The following FGFBP3 variants were observed in gnomAD, a reference collection of about 807,000 sequenced individuals.
FGFBP3 encodes the protein fibroblast growth factor-binding protein 3.
A neutral mutation model predicts 4.8 loss-of-function variants in FGFBP3; 4 were observed. That is an observed-to-expected ratio of 0.83 (90% CI 0.41 to 1.90). The LOEUF (loss-of-function observed/expected upper bound fraction) is 1.90, where lower values mean the gene tolerates loss of function less well. Among genes scored for constraint, FGFBP3 ranks in the 40% most tolerant of loss-of-function variants. FGFBP3 has a pLI of 0.03. For missense variants in FGFBP3, 429 were observed against 397.4 expected, an observed-to-expected ratio of 1.08 and a Z score of -0.68; for synonymous variants, 215 against 190.0, an observed-to-expected ratio of 1.13 and a Z score of -1.08.
At position 91,908,259 on chromosome 10, in the gene FGFBP3, C is replaced by T; in HGVS notation, c.711G>A (p.Thr237=). The change falls in exon 2 of 2, where the codon ACG becomes ACA. Residue 237 remains threonine (T), a synonymous_variant. Transcript: ENST00000311575. ...GCCACTTCTCAGCGCAGTAGGTCTC[C>T]GTGAGCTCCGCGTTCCCGTCCAGCC... ...PDGLDGNAEL[T]ETYCAEKWHS... 1 of 1,605,936 alleles carries T rather than the reference C, an allele frequency of 6.2e-7. No individual in the cohort carries two copies. Among genetic ancestry groups the T allele is most frequent in the Non-Finnish European group, 8.5e-7 (1 of 1,176,252 alleles).
Position 91,908,067 on chromosome 10 carries a change from C to T in FGFBP3, c.*126G>A. On this transcript the variant is annotated 3_prime_UTR_variant, in exon 2 of 2. Transcript: ENST00000311575. The stretch of plus-strand genomic sequence containing the variant: ...CAAGCATCTCACCCTTACCCTTGCC[C>T]CCACCCCCATTCGAGAACCTGGACT... The T allele has an allele frequency of 9.0e-7, 1 of 1,107,028 alleles. No homozygotes were observed. The highest frequency in any genetic ancestry group is 1.6e-5 in the South Asian group (1 of 62,182). The allele number at this position is 1,107,028 out of a possible 1,614,324, so 68.6% of individuals were successfully genotyped here.
Position 91,908,050 on chromosome 10 carries a change from T to C in FGFBP3, c.*143A>G. 1.1e-6 allele frequency: 1 copy of C among 912,794 alleles called. No homozygotes were observed. 56.5% of individuals were successfully genotyped at this position (912,794 alleles called of 1,614,324 possible). A position where few individuals can be genotyped will look rare whatever the true frequency, so the allele number is the denominator to read the frequency against. On this transcript the variant is annotated 3_prime_UTR_variant, in exon 2 of 2. Coordinates refer to ENST00000311575, the MANE Select transcript of FGFBP3 (RefSeq NM_152429.5). ...CCCTTACACTCTCATCCCAAGCATC[T>C]CACCCTTACCCTTGCCCCCACCCCC... is the stretch of plus-strand genomic sequence containing the variant.
chr10:91,908,746 T>TG lies in FGFBP3; in HGVS notation c.223_224insC (p.Glu75AlafsTer169). On this transcript the variant is annotated frameshift_variant, in exon 2 of 2. Transcript: ENST00000311575. LOFTEE classifies it low-confidence loss of function (END_TRUNC). ...CGGGCTCTGGCAGCGCAGCGCCAGC[T>TG]CGCTGCCCGCTGCGGCCTCCGGGGC... 7.2e-7 allele frequency: 1 copy of TG among 1,384,584 alleles called. No homozygotes were observed. Among genetic ancestry groups the TG allele is most frequent in the Non-Finnish European group, 9.3e-7 (1 of 1,080,904 alleles). 85.8% of individuals were successfully genotyped at this position (1,384,584 alleles called of 1,614,324 possible).
chr10:91,908,315 G>A lies in FGFBP3; in HGVS notation c.655C>T (p.Arg219Ter), dbSNP rs770235150. The change falls in exon 2 of 2, where the codon CGA becomes TGA. Residue 219 changes from arginine to a stop codon, truncating the protein, a stop_gained. Coordinates refer to ENST00000311575, the MANE Select transcript of FGFBP3 (RefSeq NM_152429.5). LOFTEE classifies it high-confidence loss of function. The stretch of plus-strand genomic sequence containing the variant: ...GGGTCGGGCCCGGTCCCCATGGGTC[G>A]CTCCTCGTTGGGGACCAAGGCCGCC... ...RKAALVPNEE[R>*]PMGTGPDPDG... The A allele has an allele frequency of 1.3e-6, 2 of 1,598,902 alleles. No homozygotes were observed. Among genetic ancestry groups the A allele is most frequent in the Non-Finnish European group, 8.5e-7 (1 of 1,173,156 alleles).
intron 1 of FGFBP3, 52 bp from the exon 2 acceptor site, chr10:91,909,099 C>T: frequency 9.5e-7 from 1 of 1,057,800 alleles, no homozygotes; most frequent in South Asian, 1.7e-5. Flanking sequence ...CAGCGCTTCG[C>T]CCAGACACAT....
chr10:91,908,809 G>A lies in FGFBP3; in HGVS notation c.161C>T (p.Pro54Leu). The change falls in exon 2 of 2, where the codon CCC (proline) becomes CTC (leucine). Residue 54 changes from proline to leucine, a missense_variant. By Grantham distance (98) the Pro-to-Leu change is moderately conservative. Transcript: ENST00000311575. ...CTGCCAGCTGCACGCGTGCTGCTCG[G>A]GGCTGAGGAAGCGACCCGAGGAGCC... ...TGGSSGRFLS[P>L]EQHACSWQLL... 1.3e-6 allele frequency: 2 copies of A among 1,520,658 alleles called. No homozygotes were observed. Among genetic ancestry groups the A allele is most frequent in the African/African-American group, 1.4e-5 (1 of 71,544 alleles). 94.2% of individuals were successfully genotyped at this position (1,520,658 alleles called of 1,614,324 possible). A position where few individuals can be genotyped will look rare whatever the true frequency, so the allele number is the denominator to read the frequency against.
chr10:91,908,872 G>T lies in FGFBP3; in HGVS notation c.98C>A (p.Ala33Asp). 1 of 1,578,674 alleles carries T rather than the reference G, an allele frequency of 6.3e-7. No individual in the cohort carries two copies. The highest frequency in any genetic ancestry group is 8.6e-7 in the Non-Finnish European group (1 of 1,168,402). Residue 33 changes from alanine (A) to aspartate (D), a missense_variant, in exon 2 of 2, where the codon GCT (alanine) becomes GAT (aspartate). Ala to Asp is a moderately radical substitution (Grantham distance 126). Coordinates refer to ENST00000311575, the MANE Select transcript of FGFBP3 (RefSeq NM_152429.5). ...LAAARREKGA[A>D]SNVAEPVPGP... Reference sequence around the variant, plus strand: ...GGGGACCGGCTCCGCCACGTTGCTAGCCGCCCCTTTCTCCCTCCGAGCAGC... The same window carrying T: ...GGGGACCGGCTCCGCCACGTTGCTATCCGCCCCTTTCTCCCTCCGAGCAGC...
rs528003427 is a variant in FGFBP3, at chr10:91,906,655, C to A, written c.*1538G>T. The A allele has an allele frequency of 6.6e-6, 1 of 152,106 alleles. No homozygotes were observed. Among genetic ancestry groups the A allele is most frequent in the Non-Finnish European group, 1.5e-5 (1 of 68,042 alleles). 9.4% of individuals were successfully genotyped at this position (152,106 alleles called of 1,614,324 possible). ...ATAGTTGCCCCTCCACATCCGTGGG[C>A]TCTGCATCCACAGATTCAACAATGG... On this transcript the variant is annotated 3_prime_UTR_variant, in exon 2 of 2. Coordinates refer to ENST00000311575, the MANE Select transcript of FGFBP3 (RefSeq NM_152429.5).
Position 91,908,549 on chromosome 10 carries a change from G to C in FGFBP3, c.421C>G (p.His141Asp). 1.4e-6 allele frequency: 2 copies of C among 1,386,688 alleles called. No individual in the cohort carries two copies. The highest frequency in any genetic ancestry group is 1.9e-6 in the Non-Finnish European group (2 of 1,078,114). 85.9% of individuals were successfully genotyped at this position (1,386,688 alleles called of 1,614,324 possible). A position where few individuals can be genotyped will look rare whatever the true frequency, so the allele number is the denominator to read the frequency against. The part of the protein sequence containing the change: ...QARLCAGKKG[H>D]GAELRLVPRA... ...GGCACTAGCCGCAGCTCGGCGCCGTGGCCCTTCTTGCCCGCGCACAAGCGG... is the reference window on the plus strand; with the variant it reads ...GGCACTAGCCGCAGCTCGGCGCCGTCGCCCTTCTTGCCCGCGCACAAGCGG... Residue 141 changes from histidine (H) to aspartate (D), a missense_variant, in exon 2 of 2, where the codon CAC becomes GAC. His to Asp is a moderately conservative substitution (Grantham distance 81, BLOSUM62 -1). Transcript: ENST00000311575.
Position 91,907,308 on chromosome 10 carries a change from C to T in FGFBP3, c.*885G>A, listed in dbSNP as rs1206874972. On this transcript the variant is annotated 3_prime_UTR_variant, in exon 2 of 2. Transcript: ENST00000311575. ...GCAGTGAGCCATAATTGCACCACTGCTCCAGTCTGGATGACACAAGACCCT... is the reference window on the plus strand; with the variant it reads ...GCAGTGAGCCATAATTGCACCACTGTTCCAGTCTGGATGACACAAGACCCT... 6.6e-6 allele frequency: 1 copy of T among 152,220 alleles called. No individual in the cohort carries two copies. Among genetic ancestry groups the T allele is most frequent in the African/African-American group, 2.4e-5 (1 of 41,436 alleles). 9.4% of individuals were successfully genotyped at this position (152,220 alleles called of 1,614,324 possible).
Position 91,907,851 on chromosome 10 carries a change from C to A in FGFBP3, c.*342G>T. 1 of 244,516 alleles carries A rather than the reference C, an allele frequency of 4.1e-6. No homozygotes were observed. The highest frequency in any genetic ancestry group is 7.7e-6 in the Non-Finnish European group (1 of 129,094). The allele number at this position is 244,516 out of a possible 1,614,324, so 15.1% of individuals were successfully genotyped here. A position where few individuals can be genotyped will look rare whatever the true frequency, so the allele number is the denominator to read the frequency against. ...CATGGGACTCACATCACTTTAGTCA[C>A]TCTATCTCCCCCTTATTCTCAGCCT... On this transcript the variant is annotated 3_prime_UTR_variant, in exon 2 of 2. Coordinates refer to ENST00000311575, the MANE Select transcript of FGFBP3 (RefSeq NM_152429.5).
chr10:91,909,090 A>C (rs550530510), intron 1 of FGFBP3, 43 bp from the exon 2 acceptor site: 22 of 1,173,310 alleles, frequency 1.9e-5, no homozygotes, highest in African/African-American at 4.9e-5. Flanking sequence ...AGCCACACGC[A>C]GCGCTTCGCC....
Position 91,907,908 on chromosome 10 carries a change from A to C in FGFBP3, c.*285T>G. ...GCATCGATTTCTCTCCCCAGTCTCC[A>C]GTTTTTGCACATTTAAAGTACGCCT... On this transcript the variant is annotated 3_prime_UTR_variant, in exon 2 of 2. Transcript: ENST00000311575. 5.4e-6 allele frequency: 2 copies of C among 369,068 alleles called. No individual in the cohort carries two copies. Among genetic ancestry groups the C allele is most frequent in the Non-Finnish European group, 9.6e-6 (2 of 207,306 alleles). The allele number at this position is 369,068 out of a possible 1,614,324, so 22.9% of individuals were successfully genotyped here. A position where few individuals can be genotyped will look rare whatever the true frequency, so the allele number is the denominator to read the frequency against.
Position 91,908,863 on chromosome 10 carries a change from A to G in FGFBP3, c.107T>C (p.Val36Ala). ...ARREKGAASNVAEPVPGPTGG... is the reference protein window; with the variant it reads ...ARREKGAASNAAEPVPGPTGG... ...AGTGGGCCCGGGGACCGGCTCCGCC[A>G]CGTTGCTAGCCGCCCCTTTCTCCCT... The change falls in exon 2 of 2, where the codon GTG becomes GCG. Residue 36 changes from valine (V) to alanine (A), a missense_variant. Transcript: ENST00000311575. 1.3e-6 allele frequency: 2 copies of G among 1,567,602 alleles called. No individual in the cohort carries two copies. Among genetic ancestry groups the G allele is most frequent in the South Asian group, 1.2e-5 (1 of 85,886 alleles).
chr10:91,907,850 A>C lies in FGFBP3; in HGVS notation c.*343T>G. 41 of 222,378 alleles carry C rather than the reference A, an allele frequency of 1.8e-4. No individual in the cohort carries two copies. The highest frequency in any genetic ancestry group is 4.8e-4 in the East Asian group (4 of 8,282). The allele number at this position is 222,378 out of a possible 1,614,324, so 13.8% of individuals were successfully genotyped here. A position where few individuals can be genotyped will look rare whatever the true frequency, so the allele number is the denominator to read the frequency against. ...ACATGGGACTCACATCACTTTAGTC[A>C]CTCTATCTCCCCCTTATTCTCAGCC... is the stretch of plus-strand genomic sequence containing the variant. On this transcript the variant is annotated 3_prime_UTR_variant, in exon 2 of 2. Transcript: ENST00000311575.
chr10:91,908,946 C>T lies in FGFBP3; in HGVS notation c.24G>A (p.Ala8=), dbSNP rs1211282436. The change falls in exon 2 of 2, where the codon GCG becomes GCA. Residue 8 remains alanine (A), a synonymous_variant. Transcript: ENST00000311575. MTPPKLR[A]SLSPSLLLLL... is the part of the protein sequence containing the mutation. ...GCAGCAGCAGCGACGGCGACAGCGA[C>T]GCTCGCAGCTTCGGAGGAGTCATGC... 6.2e-7 allele frequency: 1 copy of T among 1,601,718 alleles called. No homozygotes were observed.
chr10:91,909,106 A>C (rs1414165071), intron 1 of FGFBP3, 59 bp from the exon 2 acceptor site: 67 of 953,852 alleles, frequency 7.0e-5, no homozygotes, highest in Non-Finnish European at 9.7e-5. Flanking sequence ...TCGCCCAGAC[A>C]CATGCACCTG....
Position 91,908,934 on chromosome 10 carries a change from C to A in FGFBP3, c.36G>T (p.Pro12=), listed in dbSNP as rs1339474063. 1 of 1,605,306 alleles carries A rather than the reference C, an allele frequency of 6.2e-7. No homozygotes were observed. The highest frequency in any genetic ancestry group is 1.1e-5 in the South Asian group (1 of 89,808). The change falls in exon 2 of 2, where the codon CCG becomes CCT. Residue 12 remains proline, a synonymous_variant. Coordinates refer to ENST00000311575, the MANE Select transcript of FGFBP3 (RefSeq NM_152429.5). ...AACCACTCAGCAGCAGCAGCAGCGA[C>A]GGCGACAGCGACGCTCGCAGCTTCG... ...TPPKLRASLS[P]SLLLLLSGCL...
Position 91,907,731 on chromosome 10 carries a change from G to A in FGFBP3, c.*462C>T, listed in dbSNP as rs1843310182. 1 of 158,512 alleles carries A rather than the reference G, an allele frequency of 6.3e-6. No individual in the cohort carries two copies. The highest frequency in any genetic ancestry group is 2.4e-5 in the African/African-American group (1 of 41,496). 9.8% of individuals were successfully genotyped at this position (158,512 alleles called of 1,614,324 possible). On this transcript the variant is annotated 3_prime_UTR_variant, in exon 2 of 2. Coordinates refer to ENST00000311575, the MANE Select transcript of FGFBP3 (RefSeq NM_152429.5). ...CTGCAGTCTTGTTAGCTGATTAAGT[G>A]AGAAGACATTGATTCAACCTGGCTC...
Sources: allele counts gnomAD v4.1 joint callset, GRCh38; gene constraint gnomAD v4.1.1; transcripts MANE v1.5; gene names NCBI Gene and HGNC (gene_info 2026-07-23, HGNC 2026-07-21).